The following SLC2A9 variants were observed in gnomAD, a reference collection of about 807,000 sequenced individuals.
SLC2A9 encodes the protein solute carrier family 2, facilitated glucose transporter member 9.
Under a neutral mutation model 50.6 loss-of-function variants are expected in SLC2A9, and 39 were observed. The ratio of observed to expected loss-of-function variants is 0.77; its 90% CI spans 0.60 to 1.01. The LOEUF is 1.01. Among genes scored for constraint, SLC2A9 ranks in the 50% least tolerant of loss-of-function variants. SLC2A9 has a pLI of 0.00. For synonymous variants in SLC2A9, 324 were observed against 276.9 expected (o/e 1.17, Z -1.69); for missense variants, 686 against 677.6 (o/e 1.01, Z -0.14).
chr4:9,927,785 G>A lies in SLC2A9; in HGVS notation c.815-7213C>T, dbSNP rs552985988. Among the ~76,000 whole-genome samples the A allele has an allele frequency of 2.0e-5, 3 of 152,282 alleles. No individual in the cohort carries two copies. In the South Asian group the frequency reaches 6.2e-4, roughly 32 times the overall value. On this transcript the variant is annotated intron_variant, in intron 6 of 11. Coordinates refer to ENST00000264784, the MANE Select transcript of SLC2A9 (RefSeq NM_020041.3). ...CGTTTTATTATGGACCGAACCTGGA[G>A]CCTTCACATGGCCTATGTGACTGGG...
At chr4:9,781,525 A>C (rs1278854386) in intron 3 of SLC2A9, among the ~76,000 whole-genome samples, 1 of 147,632 alleles carries the variant, frequency 6.8e-6, no homozygotes, top group Non-Finnish European at 1.5e-5. Flanking sequence ...TGGCGCGCTG[A>C]GGGCGGTGAG....
intron 3 of SLC2A9, among the ~76,000 whole-genome samples, chr4:9,811,840 T>C (rs754899683): frequency 1.3e-5 from 2 of 152,128 alleles, no homozygotes; most frequent in Non-Finnish European, 2.9e-5. Context: ...AGGCTGAGGA[T>C]ATGGAGGCTG....
intron 6 of SLC2A9, among the ~76,000 whole-genome samples, chr4:9,934,368 C>A (rs1560334626): frequency 6.6e-6 from 1 of 152,224 alleles, no homozygotes; most frequent in South Asian, 2.1e-4. Context: ...TGGACACTTT[C>A]TTGACCACAG....
intron 3 of SLC2A9, among the ~76,000 whole-genome samples, chr4:9,806,788 T>TG (rs1020141636): frequency 2.6e-5 from 4 of 152,176 alleles, no homozygotes; most frequent in Non-Finnish European, 5.9e-5. Context: ...TTCTTTAGGC[T>TG]GGAAAAATGG....
At chr4:9,903,762 T>C (rs1740096573) in intron 8 of SLC2A9, among the ~76,000 whole-genome samples, 1 of 150,098 alleles carries the variant, frequency 6.7e-6, no homozygotes, top group African/African-American at 2.4e-5. Context: ...TTATTACATA[T>C]GTAACTGTAT....
intron 2 of SLC2A9, among the ~76,000 whole-genome samples, chr4:10,001,784 A>G (rs1033973441): frequency 1.3e-5 from 2 of 152,180 alleles, no homozygotes; most frequent in Non-Finnish European, 2.9e-5. Flanking sequence ...TATGTCCTCT[A>G]TTGGACATTT....
rs751313398 is a variant in SLC2A9 at position 10,021,325 on chromosome 4, C to T, written c.105G>A (p.Glu35=). The T allele has an allele frequency of 5.9e-5, 96 of 1,614,090 alleles. No individual in the cohort carries two copies. Among genetic ancestry groups the T allele is most frequent in the Non-Finnish European group, 7.9e-5 (93 of 1,180,062 alleles). Residue 35 remains glutamate (E), a synonymous_variant, in exon 1 of 12, where the codon GAG becomes GAA. Transcript: ENST00000264784. ...GCACCCCACTCCTCAGGTGGTCACA[C>T]TCCAGCAGTGCCCTCCCTGGCCCTG... ...GPPGPGRALL[E]CDHLRSGVPG... is the part of the protein sequence containing the mutation.
At chr4:9,778,250 G>A (rs546143318), downstream of SLC2A9, among the ~76,000 whole-genome samples, 6 of 151,996 alleles carry the variant, frequency 3.9e-5, no homozygotes, top group South Asian at 1.2e-3. Context: ...TCTTTCTGTA[G>A]CTGGGGTTAC....
chr4:10,037,691 G>C (rs1358569240), intron 1 of SLC2A9, among the ~76,000 whole-genome samples: 1 of 152,176 alleles, frequency 6.6e-6, no homozygotes, highest in Non-Finnish European at 1.5e-5. Flanking sequence ...GCTCACACCT[G>C]TAATCCCAGC....
chr4:9,918,378 C>G (rs1286282393), intron 7 of SLC2A9, among the ~76,000 whole-genome samples: 3 of 152,150 alleles, frequency 2.0e-5, no homozygotes, highest in Non-Finnish European at 2.9e-5. Flanking sequence ...GGCTGTGATG[C>G]TGGCATTTGC....
downstream of SLC2A9, among the ~76,000 whole-genome samples, chr4:9,778,021 G>A (rs1412235248): frequency 6.6e-6 from 1 of 151,864 alleles, no homozygotes; most frequent in Non-Finnish European, 1.5e-5. Context: ...TGTTTTACTT[G>A]CATTTCTACT....
At chr4:9,899,593 A>G (rs1739218034) in intron 8 of SLC2A9, among the ~76,000 whole-genome samples, 1 of 152,174 alleles carries the variant, frequency 6.6e-6, no homozygotes, top group Admixed American at 6.5e-5. Flanking sequence ...TAAGTTAAAA[A>G]CGGAATATAA....
chr4:9,959,179 T>C (rs916796667), intron 5 of SLC2A9, among the ~76,000 whole-genome samples: 3 of 151,254 alleles, frequency 2.0e-5, no homozygotes, highest in African/African-American at 7.3e-5. Context: ...GAGATCAGCT[T>C]GGCCAATCTC....
At chr4:9,823,335 T>C (rs1724667218), downstream of SLC2A9, among the ~76,000 whole-genome samples, 1 of 152,178 alleles carries the variant, frequency 6.6e-6, no homozygotes, top group Non-Finnish European at 1.5e-5. Flanking sequence ...GCTGGTACCT[T>C]TCAGCCAAGA....
intron 3 of SLC2A9, among the ~76,000 whole-genome samples, chr4:9,788,835 T>C (rs1719548423): frequency 6.6e-6 from 1 of 152,230 alleles, no homozygotes; most frequent in African/African-American, 2.4e-5. Flanking sequence ...ACGAGATATG[T>C]CAGACTCATC....
intron 3 of SLC2A9, chr4:9,782,369 G>C: frequency 1.2e-6 from 2 of 1,614,056 alleles, no homozygotes; most frequent in South Asian, 1.1e-5. Context: ...AGCGTTCTGC[G>C]ACGTCTGGGT....
At chr4:9,899,272 A>C (rs1473228789) in intron 8 of SLC2A9, among the ~76,000 whole-genome samples, 1 of 152,248 alleles carries the variant, frequency 6.6e-6, no homozygotes. Flanking sequence ...GATTATTGTC[A>C]AAGTTTTAGC....
chr4:9,826,402 G>A lies in SLC2A9; in HGVS notation c.1618C>T (p.Pro540Ser). The change falls in exon 12 of 12, where the codon CCT becomes TCT. Residue 540 changes from proline (P) to serine (S), a missense_variant. Coordinates refer to ENST00000264784, the MANE Select transcript of SLC2A9 (RefSeq NM_020041.3). ...AACGTGGAGGAGGAAACTTGTTAAGGCCTTCCATTTATCTTACCATCAGTG... is the reference window on the plus strand; with the variant it reads ...AACGTGGAGGAGGAAACTTGTTAAGACCTTCCATTTATCTTACCATCAGTG... ...AVTDGKINGRP is the reference protein window; with the variant it reads ...AVTDGKINGRS 2 of 1,613,916 alleles carry A rather than the reference G, an allele frequency of 1.2e-6. No individual in the cohort carries two copies. The highest frequency in any genetic ancestry group is 8.5e-7 in the Non-Finnish European group (1 of 1,179,866).
chr4:9,940,113 G>C (rs1362784799), intron 6 of SLC2A9, among the ~76,000 whole-genome samples: 3 of 152,212 alleles, frequency 2.0e-5, no homozygotes, highest in African/African-American at 7.2e-5. Context: ...AAGAGAGCCA[G>C]AGGGGGTGCG....
Sources: gnomAD v4.1 joint callset for allele counts (sites outside exome capture counted in the v4.1 genomes callset) on GRCh38, gnomAD v4.1.1 for gene constraint, MANE v1.5 for transcripts, NCBI Gene and HGNC (gene_info 2026-07-23, HGNC 2026-07-21) for gene names.